Variants in THRB observed in about 807,000 individuals in gnomAD.
The protein encoded by THRB is nuclear receptor subfamily 1 group A member 2.
Under a neutral mutation model 47.8 loss-of-function variants are expected in THRB, and 12 were observed. The ratio of observed to expected loss-of-function variants is 0.25; its 90% confidence interval spans 0.16 to 0.41. The LOEUF is 0.41. Among genes scored for constraint, THRB ranks in the 10% least tolerant of loss-of-function variants. The pLI is 1.00. For missense variants in THRB, 348 were observed against 589.2 expected, an observed-to-expected ratio of 0.59 and a Z score of 4.24; for synonymous variants, 218 against 212.2, an observed-to-expected ratio of 1.03 and a Z score of -0.24.
At position 24,277,200 on chromosome 3, in the gene THRB, C is replaced by A. The variant is rs1323708958; in HGVS notation, c.-43+20026G>T. On this transcript the variant is annotated intron_variant, in intron 3 of 10. Transcript: ENST00000646209. Reference sequence around the variant, plus strand: ...GCAATTTTGCACCTTCCATCCCACCCCAGGGTTCATCTGGCAATGTCTGGA... The same window carrying A: ...GCAATTTTGCACCTTCCATCCCACCACAGGGTTCATCTGGCAATGTCTGGA... 4.6e-5 allele frequency among the ~76,000 whole-genome samples: 7 copies of A among 152,116 alleles called. No homozygotes were observed. In the East Asian group the frequency reaches 1.4e-3, roughly 29 times the overall value.
intron 5 of THRB, among the ~76,000 whole-genome samples, chr3:24,157,816 C>T (rs983434104): frequency 2.0e-5 from 3 of 152,194 alleles, no homozygotes; most frequent in African/African-American, 7.2e-5. Context: ...CAGGCATGAG[C>T]CACAGTGCTC....
At chr3:24,261,649 C>T (rs887470371) in intron 3 of THRB, among the ~76,000 whole-genome samples, 1 of 152,084 alleles carries the variant, frequency 6.6e-6, no homozygotes, top group Non-Finnish European at 1.5e-5. Context: ...CTGAAAGTTT[C>T]TCCAATCAGA....
chr3:24,127,414 G>C, intron 10 of THRB, 85 bp downstream of exon 10: 1 of 1,417,698 alleles, frequency 7.1e-7, no homozygotes, highest in Non-Finnish European at 9.9e-7. Context: ...AAGCTAAAGG[G>C]GGACTGAAAA....
intron 3 of THRB, among the ~76,000 whole-genome samples, chr3:24,284,875 C>A (rs1026645311): frequency 6.6e-6 from 1 of 152,170 alleles, no homozygotes; most frequent in Non-Finnish European, 1.5e-5. Flanking sequence ...ATTAAAACCA[C>A]AAAGAGATAC....
intron 8 of THRB, among the ~76,000 whole-genome samples, 194 bp downstream of exon 8, chr3:24,143,307 G>C (rs2035678752): frequency 6.6e-6 from 1 of 152,170 alleles, no homozygotes; most frequent in Admixed American, 6.5e-5. Flanking sequence ...GTAGATGGTA[G>C]GAGTGGCCTT....
chr3:24,207,842 C>A (rs2045563845), intron 4 of THRB, among the ~76,000 whole-genome samples: 1 of 152,120 alleles, frequency 6.6e-6, no homozygotes, highest in Admixed American at 6.6e-5. Flanking sequence ...GAAGTTCTGG[C>A]CAGGGCAATC....
chr3:24,250,306 T>C (rs560548459), intron 3 of THRB, among the ~76,000 whole-genome samples: 1 of 152,316 alleles, frequency 6.6e-6, no homozygotes, highest in African/African-American at 2.4e-5. Flanking sequence ...ATTGACTGCC[T>C]GTTGGTGCAA....
intron 3 of THRB, among the ~76,000 whole-genome samples, chr3:24,245,030 C>G (rs1377383512): frequency 6.6e-6 from 1 of 152,188 alleles, no homozygotes; most frequent in Non-Finnish European, 1.5e-5. Context: ...AGGGGGCTAT[C>G]CAGAGTCCTG....
intron 5 of THRB, among the ~76,000 whole-genome samples, chr3:24,167,232 A>T (rs777559726): frequency 2.0e-5 from 3 of 152,174 alleles, no homozygotes; most frequent in Non-Finnish European, 4.4e-5. Context: ...TCCTTTAAAA[A>T]CTGCAACTGA....
chr3:24,283,819 T>G (rs1158904624), intron 3 of THRB, among the ~76,000 whole-genome samples: 2 of 151,980 alleles, frequency 1.3e-5, no homozygotes, highest in African/African-American at 4.8e-5. Context: ...ATGAGTGAAC[T>G]CCCATTCACA....
chr3:24,221,809 G>A (rs907288458), intron 4 of THRB, among the ~76,000 whole-genome samples: 3 of 152,138 alleles, frequency 2.0e-5, no homozygotes, highest in Admixed American at 1.3e-4. Flanking sequence ...GAAGGTTTTC[G>A]CTAGTCTGTC....
chr3:24,160,924 C>G (rs2038713101), intron 5 of THRB, among the ~76,000 whole-genome samples: 2 of 152,194 alleles, frequency 1.3e-5, no homozygotes, highest in African/African-American at 4.8e-5. Context: ...TGGACTCCTA[C>G]TGTTAGCTTT....
At chr3:24,147,188 G>GAACACAA (rs2036210548) in intron 6 of THRB, among the ~76,000 whole-genome samples, 1 of 152,072 alleles carries the variant, frequency 6.6e-6, no homozygotes, top group African/African-American at 2.4e-5. Context: ...ATTAAGCTAT[G>GAACACAA]AGGAGTTTTG....
intron 4 of THRB, among the ~76,000 whole-genome samples, chr3:24,213,056 C>T (rs1389174888): frequency 6.6e-6 from 1 of 152,034 alleles, no homozygotes; most frequent in Non-Finnish European, 1.5e-5. Context: ...GAGTGGAGAA[C>T]AGCAGCAAAA....
At chr3:24,205,207 T>C (rs1364427253) in intron 4 of THRB, among the ~76,000 whole-genome samples, 1 of 152,090 alleles carries the variant, frequency 6.6e-6, no homozygotes, top group African/African-American at 2.4e-5. Flanking sequence ...ATTGTCAGAT[T>C]CACCAAAGTT....
chr3:24,243,251 C>G (rs1033688087), intron 3 of THRB, among the ~76,000 whole-genome samples: 1 of 151,912 alleles, frequency 6.6e-6, no homozygotes, highest in African/African-American at 2.4e-5. Flanking sequence ...CAGGGGTCTC[C>G]TGCATCTGCC....
intron 3 of THRB, among the ~76,000 whole-genome samples, chr3:24,284,272 C>T (rs1482303292): frequency 7.3e-5 from 11 of 151,710 alleles, no homozygotes; most frequent in South Asian, 4.2e-4. Flanking sequence ...TCAGAAATAA[C>T]GCCACATATC....
At chr3:24,420,813 A>G (rs2069180167) in intron 1 of THRB, among the ~76,000 whole-genome samples, 1 of 151,958 alleles carries the variant, frequency 6.6e-6, no homozygotes, top group Non-Finnish European at 1.5e-5. Flanking sequence ...ACCTAAAAAC[A>G]GAAATACCAC....
Position 24,143,602 on chromosome 3 carries a change from C to T in THRB, c.637G>A (p.Glu213Lys). The change falls in exon 8 of 11, where the codon GAG becomes AAG. Residue 213 changes from glutamate (E) to lysine (K), a missense_variant. By Grantham distance (56) the Glu-to-Lys change is moderately conservative (BLOSUM62 1). Transcript: ENST00000646209. Reference sequence around the variant, plus strand: ...AGCTCCCATTCCTCGTCTGTGGGCTCTGGCTTGTGCCCGATGGACTTCTGC... The same window carrying T: ...AGCTCCCATTCCTCGTCTGTGGGCTTTGGCTTGTGCCCGATGGACTTCTGC... Reference protein sequence around the residue: ...ELQKSIGHKPEPTDEEWELIK... With the variant: ...ELQKSIGHKPKPTDEEWELIK... 6.2e-7 allele frequency: 1 copy of T among 1,614,220 alleles called. No individual in the cohort carries two copies. Among genetic ancestry groups the T allele is most frequent in the Non-Finnish European group, 8.5e-7 (1 of 1,180,034 alleles).
Sources: gnomAD v4.1 joint callset for allele counts (sites outside exome capture counted in the v4.1 genomes callset) on GRCh38, gnomAD v4.1.1 for gene constraint, MANE v1.5 for transcripts, NCBI Gene and HGNC (gene_info 2026-07-23, HGNC 2026-07-21) for gene names.